The following CNTLN variants were observed in gnomAD, a reference collection of about 807,000 sequenced individuals.
The protein encoded by CNTLN is centlein, also known as centlein, centrosomal protein.
A neutral mutation model predicts 180.0 loss-of-function variants in CNTLN; 212 were observed. The observed-to-expected ratio is 1.18, with a 90% CI of 1.05 to 1.32. The LOEUF (loss-of-function observed/expected upper bound fraction) is 1.32, where lower values mean the gene tolerates loss of function less well. CNTLN is among the 40% of genes most tolerant of loss of function. The pLI is 0.00. For synonymous variants in CNTLN, 722 were observed against 563.1 expected (o/e 1.28, Z -3.99); for missense variants, 2,095 against 1,610.9 (o/e 1.30, Z -5.14).
chr9:17,152,118 C>A (rs1357832413), intron 2 of CNTLN, among the ~76,000 whole-genome samples: 2 of 152,090 alleles, frequency 1.3e-5, no homozygotes, highest in African/African-American at 4.8e-5. Flanking sequence ...CCAGCTCCTG[C>A]ATTCACTGAG....
In CNTLN at chr9:17,416,220, A is replaced by G. The variant is rs1337518889; in HGVS notation, c.3114+31A>G. 3.3e-6 allele frequency: 5 copies of G among 1,504,404 alleles called. No homozygotes were observed. The African/African-American group carries it at 5.6e-5, about 17-fold the overall frequency. 93.2% of individuals were successfully genotyped at this position (1,504,404 alleles called of 1,614,324 possible). A position where few individuals can be genotyped will look rare whatever the true frequency, so the allele number is the denominator to read the frequency against. On this transcript the variant is annotated intron_variant, in intron 18 of 25. Transcript: ENST00000380647. ...GAGAACTTTAAGATTGAACAGTAGTATACTATATTGTAAAAGTGGATATTT... is the reference window on the plus strand; with the variant it reads ...GAGAACTTTAAGATTGAACAGTAGTGTACTATATTGTAAAAGTGGATATTT...
At chr9:17,468,304 G>C (rs1831863280) in intron 23 of CNTLN, among the ~76,000 whole-genome samples, 3 of 151,504 alleles carry the variant, frequency 2.0e-5, no homozygotes, top group Non-Finnish European at 3.0e-5. Context: ...TTTATTACCT[G>C]GGTGATGAAA....
intron 5 of CNTLN, among the ~76,000 whole-genome samples, chr9:17,236,932 G>C (rs1453075398): frequency 1.3e-5 from 2 of 152,126 alleles, no homozygotes; most frequent in Non-Finnish European, 2.9e-5. Flanking sequence ...TTGCAGTATA[G>C]TTTTTAAGAC....
Position 17,388,153 on chromosome 9 carries a change from C to A in CNTLN, c.1988-9C>A. The A allele has an allele frequency of 2.5e-6, 4 of 1,574,146 alleles. No individual in the cohort carries two copies. The highest frequency in any genetic ancestry group is 2.6e-6 in the Non-Finnish European group (3 of 1,147,008). On this transcript the variant is annotated splice_polypyrimidine_tract_variant and intron_variant, in intron 13 of 25. Transcript: ENST00000380647. ...GTGGTATCATAATATATTATTTATTCTCTACCAGAACAGCTCTTTAGATCT... is the reference window on the plus strand; with the variant it reads ...GTGGTATCATAATATATTATTTATTATCTACCAGAACAGCTCTTTAGATCT...
intron 12 of CNTLN, among the ~76,000 whole-genome samples, chr9:17,352,389 A>AATATATATATAT (rs373257904): frequency 5.9e-5 from 5 of 84,462 alleles, no homozygotes; most frequent in African/African-American, 2.1e-4. Context: ...CTCAAGCTAG[A>AATATATATATAT]ATATATATAT....
chr9:17,201,416 C>G (rs1175852953), intron 2 of CNTLN, among the ~76,000 whole-genome samples: 1 of 152,168 alleles, frequency 6.6e-6, no homozygotes. Flanking sequence ...ATGGTACCAG[C>G]TCCTCTTTGT....
chr9:17,404,351 C>T (rs1587902317), intron 15 of CNTLN, among the ~76,000 whole-genome samples: 2 of 151,796 alleles, frequency 1.3e-5, no homozygotes, highest in East Asian at 3.9e-4. Flanking sequence ...AAGTAACCCA[C>T]TGGAGGAGTT....
At chr9:17,449,081 G>A (rs990443620) in intron 18 of CNTLN, among the ~76,000 whole-genome samples, 1 of 152,006 alleles carries the variant, frequency 6.6e-6, no homozygotes, top group African/African-American at 2.4e-5. Flanking sequence ...TGTTTAGGAG[G>A]GCTATGACTG....
downstream of CNTLN, among the ~76,000 whole-genome samples, chr9:17,506,423 A>G (rs1156998318): frequency 1.3e-5 from 2 of 152,156 alleles, no homozygotes; most frequent in Non-Finnish European, 2.9e-5. Flanking sequence ...GTCCTCTGTG[A>G]GTAACATTTA....
At chr9:17,299,775 T>C in intron 7 of CNTLN, 1 of 983,316 alleles carries the variant, frequency 1.0e-6, no homozygotes. Flanking sequence ...TAATACTAAT[T>C]AATTGTTTTC....
At chr9:17,352,588 G>C (rs553781840) in intron 12 of CNTLN, among the ~76,000 whole-genome samples, 4 of 151,952 alleles carry the variant, frequency 2.6e-5, no homozygotes, top group African/African-American at 4.8e-5. Context: ...GTATTTTAAA[G>C]CATAGAATTC....
intron 19 of CNTLN, among the ~76,000 whole-genome samples, chr9:17,458,871 T>G (rs1487746551): frequency 6.6e-6 from 1 of 151,758 alleles, no homozygotes; most frequent in African/African-American, 2.4e-5. Context: ...TGTTGTGCAA[T>G]TTCGGGGCAT....
intron 18 of CNTLN, among the ~76,000 whole-genome samples, chr9:17,427,715 G>T (rs566665254): frequency 1.6e-4 from 25 of 152,266 alleles, no homozygotes; most frequent in Non-Finnish European, 3.2e-4. Flanking sequence ...TTTAAGGACT[G>T]ATCCTTGAAA....
intron 13 of CNTLN, among the ~76,000 whole-genome samples, chr9:17,372,297 G>A (rs1824388719): frequency 6.6e-6 from 1 of 152,100 alleles, no homozygotes; most frequent in African/African-American, 2.4e-5. Context: ...GAAATTTAAA[G>A]CATTGTTAGT....
chr9:17,246,239 G>T (rs772318344), intron 5 of CNTLN, among the ~76,000 whole-genome samples: 17 of 152,254 alleles, frequency 1.1e-4, no homozygotes, highest in Non-Finnish European at 2.1e-4. Flanking sequence ...TTTGGTCATT[G>T]TAGCCTTATC....
chr9:17,395,445 G>A (rs1041289114), intron 15 of CNTLN, among the ~76,000 whole-genome samples: 5 of 152,130 alleles, frequency 3.3e-5, no homozygotes, highest in Non-Finnish European at 7.3e-5. Flanking sequence ...TACTAAGTCG[G>A]TTTAGTTATC....
chr9:17,148,107 C>T (rs1306468314), intron 2 of CNTLN, among the ~76,000 whole-genome samples: 2 of 152,146 alleles, frequency 1.3e-5, no homozygotes, highest in African/African-American at 2.4e-5. Context: ...ATTGAACACT[C>T]GTGTACCCAT....
chr9:17,398,896 A>G (rs895836662), intron 15 of CNTLN, among the ~76,000 whole-genome samples: 9 of 152,204 alleles, frequency 5.9e-5, no homozygotes, highest in Non-Finnish European at 1.3e-4. Context: ...AAAGCAGTAC[A>G]TACATTTACC....
intron 5 of CNTLN, among the ~76,000 whole-genome samples, chr9:17,261,143 T>A (rs1326417353): frequency 1.3e-5 from 2 of 151,556 alleles, no homozygotes; most frequent in African/African-American, 4.9e-5. Flanking sequence ...TTGCTTAGGA[T>A]TGCTTTGTCT....
Sources: gnomAD v4.1 joint callset for allele counts (sites outside exome capture counted in the v4.1 genomes callset) on GRCh38, gnomAD v4.1.1 for gene constraint, MANE v1.5 for transcripts, NCBI Gene and HGNC (gene_info 2026-07-23, HGNC 2026-07-21) for gene names.